MEIKIN: variants seen among roughly 807,000 people sequenced by gnomAD.
The protein encoded by MEIKIN is meiotic kinetochore factor.
At chr5:131,826,268 G>A (rs1189131256) in intron 11 of MEIKIN, among the ~76,000 whole-genome samples, 1 of 151,366 alleles carries the variant, frequency 6.6e-6, no homozygotes, top group Non-Finnish European at 1.5e-5. Context: ...ATCTGAGACG[G>A]TTGTCCTAAG....
chr5:131,913,739 T>G (rs1751365532), intron 7 of MEIKIN, among the ~76,000 whole-genome samples: 1 of 152,230 alleles, frequency 6.6e-6, no homozygotes, highest in Non-Finnish European at 1.5e-5. Context: ...TGTCAACGAT[T>G]TGTGTTCATC....
intron 7 of MEIKIN, 39 bp from the exon 8 acceptor site, chr5:131,911,918 T>C (rs950719429): frequency 5.0e-6 from 2 of 397,116 alleles, no homozygotes; most frequent in African/African-American, 4.1e-5. Context: ...ATTTTCTAAA[T>C]CCTTCAGTAA....
At chr5:131,924,903 T>C (rs888764770) in intron 5 of MEIKIN, among the ~76,000 whole-genome samples, 4 of 152,212 alleles carry the variant, frequency 2.6e-5, no homozygotes, top group Non-Finnish European at 5.9e-5. Context: ...CTAAGACTAA[T>C]GTTATGAAGC....
intron 11 of MEIKIN, among the ~76,000 whole-genome samples, chr5:131,828,876 C>G (rs974385899): frequency 1.3e-5 from 2 of 152,040 alleles, no homozygotes; most frequent in Admixed American, 1.3e-4. Flanking sequence ...CTGGGTCAAA[C>G]AAAAAGTCAT....
chr5:131,833,178 G>C (rs755090582), intron 11 of MEIKIN, among the ~76,000 whole-genome samples: 1 of 152,144 alleles, frequency 6.6e-6, no homozygotes, highest in Non-Finnish European at 1.5e-5. Context: ...TGAATGCTTT[G>C]CTGCTTAGAA....
At chr5:131,885,366 AGAGAGAGAGAGAGAGAGAGAGAGAGAGAG>A (rs1561743989) in intron 8 of MEIKIN, among the ~76,000 whole-genome samples, 14,473 of 69,048 alleles carry the variant, frequency 0.21, 1,956 homozygotes, top group East Asian at 0.43. Flanking sequence ...AGAGAGAGAG[AGAGAGAGAGAGAGAGAGAGAGAGAGAGAG>A]AGAGAGAGAG....
In MEIKIN at chr5:131,885,830, C is replaced by T. The variant is rs75677785; in HGVS notation, c.704-6782G>A. On this transcript the variant is annotated intron_variant, in intron 8 of 12. Transcript: ENST00000442687. ...ATGAACCAAGTAAAGCACCAGGGAC[C>T]AATCCTGGAGAAACGGAGATACATG... Among the ~76,000 whole-genome samples, 405 of 152,226 alleles carry T rather than the reference C, an allele frequency of 2.7e-3. 12 individuals carry two copies. In the East Asian group the frequency reaches 0.07, roughly 26 times the overall value.
intron 7 of MEIKIN, among the ~76,000 whole-genome samples, chr5:131,916,395 A>T (rs532332841): frequency 1.3e-5 from 2 of 152,208 alleles, no homozygotes; most frequent in East Asian, 3.9e-4. Flanking sequence ...ATTCTTTCCC[A>T]AGGAGACAAC....
At position 131,874,902 on chromosome 5, in the gene MEIKIN, T is replaced by G. The variant is rs192331366; in HGVS notation, c.774+4076A>C. Among the ~76,000 whole-genome samples the G allele has an allele frequency of 6.6e-4, 101 of 152,294 alleles. No homozygotes were observed. The Middle Eastern group carries it at 0.031, about 46-fold the overall frequency. On this transcript the variant is annotated intron_variant, in intron 9 of 12. Coordinates refer to ENST00000442687, the MANE Select transcript of MEIKIN (RefSeq NM_001303622.2). ...GAACCAAAGACAAAAACCACATGAT[T>G]ATCTCAAAGATGCAGAAAAGGCCTT...
At chr5:131,897,010 G>C (rs554071506) in intron 8 of MEIKIN, among the ~76,000 whole-genome samples, 1 of 152,356 alleles carries the variant, frequency 6.6e-6, no homozygotes, top group East Asian at 1.9e-4. Flanking sequence ...TGTTTTTGCA[G>C]TGGCTGGTAG....
chr5:131,836,692 G>A (rs2149609187), intron 11 of MEIKIN, among the ~76,000 whole-genome samples: 1 of 149,162 alleles, frequency 6.7e-6, no homozygotes, highest in East Asian at 2.0e-4. Context: ...CCACATGTAT[G>A]TCGTCTTCTT....
chr5:131,836,027 T>C (rs1044083719), intron 11 of MEIKIN, among the ~76,000 whole-genome samples: 1 of 152,148 alleles, frequency 6.6e-6, no homozygotes, highest in Non-Finnish European at 1.5e-5. Context: ...ATTAGTTATT[T>C]TTCCTGATCC....
At chr5:131,908,894 A>G (rs79203112) in intron 8 of MEIKIN, among the ~76,000 whole-genome samples, 4,067 of 152,258 alleles carry the variant, frequency 0.027, 189 homozygotes, top group African/African-American at 0.092. Context: ...TACAATGAAA[A>G]CTATGAAACA....
At chr5:131,829,684 T>C (rs922491499) in intron 11 of MEIKIN, among the ~76,000 whole-genome samples, 3 of 152,190 alleles carry the variant, frequency 2.0e-5, no homozygotes, top group African/African-American at 7.2e-5. Flanking sequence ...CCAGTACTTG[T>C]GAAGGTGACC....
At chr5:131,929,281 C>A (rs1386317276) in intron 5 of MEIKIN, among the ~76,000 whole-genome samples, 1 of 152,134 alleles carries the variant, frequency 6.6e-6, no homozygotes, top group African/African-American at 2.4e-5. Flanking sequence ...GTGTGGATTT[C>A]TTGGCTTCCT....
intron 11 of MEIKIN, among the ~76,000 whole-genome samples, chr5:131,820,316 A>G (rs1375045866): frequency 6.9e-6 from 1 of 145,932 alleles, no homozygotes; most frequent in African/African-American, 2.6e-5. Flanking sequence ...TCAGATGATC[A>G]CCTCAGGTGA....
At chr5:131,849,260 T>C (rs1197652042) in intron 11 of MEIKIN, among the ~76,000 whole-genome samples, 1 of 151,900 alleles carries the variant, frequency 6.6e-6, no homozygotes, top group Non-Finnish European at 1.5e-5. Context: ...TGAGATCTTG[T>C]TGTTTAAAAG....
chr5:131,898,726 G>A (rs559185117), intron 8 of MEIKIN, among the ~76,000 whole-genome samples: 15 of 152,334 alleles, frequency 9.8e-5, no homozygotes, highest in South Asian at 4.1e-4. Context: ...ATGGGACCCC[G>A]TGAGCGAGGC....
At chr5:131,931,273 G>A (rs1480813808) in intron 5 of MEIKIN, among the ~76,000 whole-genome samples, 1 of 152,194 alleles carries the variant, frequency 6.6e-6, no homozygotes, top group Non-Finnish European at 1.5e-5. Flanking sequence ...CCCTTGAAAA[G>A]TTGGAACATT....
Sources: gnomAD v4.1 joint callset for allele counts (sites outside exome capture counted in the v4.1 genomes callset) on GRCh38, gnomAD v4.1.1 for gene constraint, MANE v1.5 for transcripts, NCBI Gene and HGNC (gene_info 2026-07-23, HGNC 2026-07-21) for gene names.